NPY1R: variants seen among roughly 807,000 people sequenced by gnomAD.
NPY1R encodes the protein neuropeptide Y receptor Y1.
NPY1R carries 10 observed loss-of-function variants against 24.1 expected under a neutral mutation model. That is an observed-to-expected ratio of 0.42 (90% CI 0.26 to 0.71). The LOEUF (loss-of-function observed/expected upper bound fraction) is 0.71, where lower values mean the gene tolerates loss of function less well. Among genes scored for constraint, NPY1R ranks in the 30% least tolerant of loss-of-function variants. The probability of loss-of-function intolerance (pLI) is 0.28; values close to 1 mark genes in which losing one functional copy is unlikely to be tolerated. For missense variants in NPY1R, 350 were observed against 458.0 expected, an observed-to-expected ratio of 0.76 and a Z score of 2.15; for synonymous variants, 168 against 165.9, an observed-to-expected ratio of 1.01 and a Z score of -0.10.
intron 1 of NPY1R, among the ~76,000 whole-genome samples, chr4:163,341,990 TC>T (rs942547656): frequency 4.8e-4 from 73 of 152,296 alleles, no homozygotes; most frequent in African/African-American, 1.3e-3. Context: ...ACTTGTCCAC[TC>T]CAAGTGTTCT....
chr4:163,327,455 T>C (rs977294693), intron 1 of NPY1R, among the ~76,000 whole-genome samples: 2 of 152,298 alleles, frequency 1.3e-5, no homozygotes, highest in East Asian at 3.9e-4. Flanking sequence ...ATCACATCAT[T>C]GTGAGGAACA....
chr4:163,331,998 C>A lies in NPY1R; in HGVS notation c.-152+484G>T, dbSNP rs1734742439. ...CCCGACACCTGCCGCGGGACCCGTG[C>A]GACGCTGGGCGACGCGCCAAGCCCA... On this transcript the variant is annotated intron_variant, in intron 1 of 2. Coordinates refer to ENST00000296533, the MANE Select transcript of NPY1R (RefSeq NM_000909.6). Among the ~76,000 whole-genome samples the A allele has an allele frequency of 3.3e-5, 5 of 152,308 alleles. 1 individual carries two copies. In the South Asian group the frequency reaches 1.0e-3, roughly 32 times the overall value.
In NPY1R at chr4:163,326,438, C is replaced by A. The variant is rs1345171446; in HGVS notation, c.117G>T (p.Met39Ile). Residue 39 changes from methionine to isoleucine, a missense_variant, in exon 2 of 3, where the codon ATG becomes ATT. Transcript: ENST00000296533. ...ENDDCHLPLA[M>I]IFTLALAYGA... ...CATAAGCAAGAGCTAAGGTAAATAT[C>A]ATGGCCAAGGGCAGATGACAATCAT... The A allele has an allele frequency of 2.4e-5, 38 of 1,613,876 alleles. No homozygotes were observed. Among genetic ancestry groups the A allele is most frequent in the Non-Finnish European group, 2.9e-5 (34 of 1,179,898 alleles).
chr4:163,329,137 A>G (rs1335768822), intron 1 of NPY1R, among the ~76,000 whole-genome samples: 1 of 152,236 alleles, frequency 6.6e-6, no homozygotes, highest in East Asian at 1.9e-4. Flanking sequence ...AAATTTATTC[A>G]TTCAACAAAT....
intron 1 of NPY1R, among the ~76,000 whole-genome samples, chr4:163,332,136 C>A (rs1188417664): frequency 1.3e-5 from 2 of 152,210 alleles, no homozygotes. Flanking sequence ...GTGGGATAGG[C>A]GAACTCGGGC....
chr4:163,325,901 C>A lies in NPY1R; in HGVS notation c.654G>T (p.Leu218=), dbSNP rs780584815. Residue 218 remains leucine (L), a synonymous_variant, in exon 2 of 3, where the codon CTG becomes CTT. Transcript: ENST00000296533. The part of the protein sequence containing the change: ...RLSYTTLLLV[L]QYFGPLCFIF... ...TAAAACAAAGTGGACCAAAATACTG[C>A]AGCACCAAGAGGAGAGTGGTATAAG... The A allele has an allele frequency of 1.4e-5, 22 of 1,614,000 alleles. No individual in the cohort carries two copies. The highest frequency in any genetic ancestry group is 1.9e-5 in the Non-Finnish European group (22 of 1,179,932).
rs1212359745 is a variant in NPY1R at position 163,326,947 on chromosome 4, A to G, written c.-151-242T>C. ...AAAACATAATGGTCTATAAGTTAGT[A>G]AGGAATATAAATATTATGCCCCAAG... On this transcript the variant is annotated intron_variant, in intron 1 of 2. Transcript: ENST00000296533. Among the ~76,000 whole-genome samples the G allele has an allele frequency of 3.9e-5, 6 of 152,344 alleles. No homozygotes were observed. In the East Asian group the frequency reaches 1.2e-3, roughly 29 times the overall value.
In NPY1R at chr4:163,339,873, C is replaced by T. The variant is rs138815824; in HGVS notation, c.-152+4432G>A. On this transcript the variant is annotated intron_variant, in intron 1 of 1. Coordinates refer to the NPY1R transcript ENST00000511901. Reference sequence around the variant, plus strand: ...ATGCTTATAATGTCTACTTGAGGAACGGTCTCATATTTTTTTCTACCTGTT... The same window carrying T: ...ATGCTTATAATGTCTACTTGAGGAATGGTCTCATATTTTTTTCTACCTGTT... Among the ~76,000 whole-genome samples, 671 of 152,082 alleles carry T rather than the reference C, an allele frequency of 4.4e-3. 8 individuals are homozygous for T. The highest frequency in any genetic ancestry group is 0.015 in the African/African-American group (635 of 41,502).
chr4:163,334,916 A>G (rs1177292396), upstream of NPY1R, among the ~76,000 whole-genome samples: 2 of 151,416 alleles, frequency 1.3e-5, no homozygotes, highest in Non-Finnish European at 3.0e-5. Context: ...ATAATTCTTT[A>G]GGAATACCAT....
In NPY1R at chr4:163,325,396, C is replaced by G. The variant is rs376323873; in HGVS notation, c.1062G>C (p.Thr354=). ...AAGTTTTGGAAACATCTGTGTGCAT[C>G]GTGGACATGGCTATTGTTTCATAAT... The part of the protein sequence containing the change: ...DDDYETIAMS[T]MHTDVSKTSL... Residue 354 remains threonine (T), a synonymous_variant, in exon 3 of 3, where the codon ACG becomes ACC. Transcript: ENST00000296533. 6.2e-7 allele frequency: 1 copy of G among 1,613,996 alleles called. No homozygotes were observed. The highest frequency in any genetic ancestry group is 1.3e-5 in the African/African-American group (1 of 74,994).
At chr4:163,331,599 C>T (rs1410688872) in intron 1 of NPY1R, among the ~76,000 whole-genome samples, 1 of 152,044 alleles carries the variant, frequency 6.6e-6, no homozygotes, top group Non-Finnish European at 1.5e-5. Flanking sequence ...CAAAACCAAG[C>T]AGATCCCAAA....
intron 1 of NPY1R, among the ~76,000 whole-genome samples, chr4:163,338,103 G>C (rs1383583436): frequency 6.6e-6 from 1 of 152,078 alleles, no homozygotes; most frequent in Non-Finnish European, 1.5e-5. Flanking sequence ...TCTCTCCCAA[G>C]ATCTACTATT....
intron 1 of NPY1R, among the ~76,000 whole-genome samples, chr4:163,338,840 C>T (rs190960484): frequency 6.6e-6 from 1 of 152,226 alleles, no homozygotes; most frequent in East Asian, 1.9e-4. Flanking sequence ...GCTTATGGAC[C>T]TGATCAGTAG....
At chr4:163,344,204 A>G in intron 1 of NPY1R, 1 of 152,848 alleles carries the variant, frequency 6.5e-6, no homozygotes, top group Non-Finnish European at 1.5e-5. Context: ...AATGGGGATT[A>G]GGGTGGCGGA....
intron 1 of NPY1R, among the ~76,000 whole-genome samples, chr4:163,331,846 A>ACT (rs1470420038): frequency 2.1e-4 from 32 of 152,308 alleles, no homozygotes; most frequent in East Asian, 7.7e-4. Context: ...GCAGCGCCAC[A>ACT]CTCGAAGCGC....
At chr4:163,338,290 C>T (rs1247106114) in intron 1 of NPY1R, among the ~76,000 whole-genome samples, 1 of 152,218 alleles carries the variant, frequency 6.6e-6, no homozygotes, top group Admixed American at 6.5e-5. Context: ...CATCTAATTG[C>T]TCTAAATATA....
intron 1 of NPY1R, among the ~76,000 whole-genome samples, chr4:163,343,494 C>G (rs997269113): frequency 6.6e-6 from 1 of 151,924 alleles, no homozygotes; most frequent in Non-Finnish European, 1.5e-5. Context: ...ACACCACCCC[C>G]CACCGTCCCC....
chr4:163,329,830 GATAA>G (rs77455226), intron 1 of NPY1R, among the ~76,000 whole-genome samples: 72,498 of 151,248 alleles, frequency 0.48, 19,638 homozygotes, highest in Non-Finnish European at 0.61. Context: ...TAAGAAGTAG[GATAA>G]ATAAGGGAGG....
At chr4:163,342,222 A>G (rs1214118488) in intron 1 of NPY1R, among the ~76,000 whole-genome samples, 1 of 152,246 alleles carries the variant, frequency 6.6e-6, no homozygotes, top group East Asian at 1.9e-4. Flanking sequence ...AAAATAAAAA[A>G]TAAGATTTTT....
Sources: gnomAD v4.1 joint callset for allele counts (sites outside exome capture counted in the v4.1 genomes callset) on GRCh38, gnomAD v4.1.1 for gene constraint, MANE v1.5 for transcripts, NCBI Gene and HGNC (gene_info 2026-07-23, HGNC 2026-07-21) for gene names.